Variants in PAWR observed in about 807,000 individuals in gnomAD.
The protein encoded by PAWR is pro-apoptotic WT1 regulator.
Under a neutral mutation model 32.0 loss-of-function variants are expected in PAWR, and 23 were observed. The observed-to-expected ratio is 0.72, with a 90% CI of 0.52 to 1.02. The LOEUF is 1.02. Among genes scored for constraint, PAWR ranks in the 50% least tolerant of loss-of-function variants. PAWR has a pLI of 0.00. For synonymous variants in PAWR, 226 were observed against 187.1 expected (o/e 1.21, Z -1.70); for missense variants, 457 against 437.7 (o/e 1.04, Z -0.39).
At chr12:79,641,230 T>TA (rs1876307951) in intron 2 of PAWR, among the ~76,000 whole-genome samples, 1 of 152,184 alleles carries the variant, frequency 6.6e-6, no homozygotes, top group Non-Finnish European at 1.5e-5. Flanking sequence ...CAGCTAACAA[T>TA]TACATAGCAC....
At chr12:79,674,209 G>A (rs118025256) in intron 2 of PAWR, among the ~76,000 whole-genome samples, 2,190 of 152,020 alleles carry the variant, frequency 0.014, 38 homozygotes, top group Non-Finnish European at 0.023. Context: ...ACAGACACAT[G>A]GACCAATGGA....
intron 3 of PAWR, among the ~76,000 whole-genome samples, chr12:79,618,796 G>A (rs1035304777): frequency 1.3e-5 from 2 of 151,768 alleles, no homozygotes; most frequent in Non-Finnish European, 2.9e-5. Flanking sequence ...AAATATAAAC[G>A]TCACCTTAGA....
chr12:79,690,600 A>G (rs1878968630), intron 1 of PAWR: 1 of 189,472 alleles, frequency 5.3e-6, no homozygotes, highest in African/African-American at 2.3e-5. Flanking sequence ...AAGGGAGGAG[A>G]GAGGACTGAC....
intron 2 of PAWR, among the ~76,000 whole-genome samples, chr12:79,630,546 A>C (rs1875567928): frequency 6.6e-6 from 1 of 152,104 alleles, no homozygotes; most frequent in East Asian, 1.9e-4. Context: ...CAAGCAATCT[A>C]TCTGCCTTGG....
chr12:79,600,934 G>A (rs1342299477), intron 4 of PAWR, among the ~76,000 whole-genome samples: 1 of 152,132 alleles, frequency 6.6e-6, no homozygotes, highest in East Asian at 1.9e-4. Context: ...GCACTTGGAT[G>A]TGATGATGAC....
intron 4 of PAWR, chr12:79,596,859 T>C (rs1592489603): frequency 1.2e-5 from 6 of 496,254 alleles, no homozygotes; most frequent in South Asian, 1.1e-4. Context: ...TTTCGACCAA[T>C]ATCTACTGAA....
intron 2 of PAWR, among the ~76,000 whole-genome samples, chr12:79,645,068 A>ACACACAC (rs1555175769): frequency 4.0e-5 from 6 of 151,220 alleles, no homozygotes; most frequent in African/African-American, 7.3e-5. Flanking sequence ...ACACACACAC[A>ACACACAC]AAAATCAATG....
At chr12:79,611,202 A>T (rs890948580) in intron 4 of PAWR, among the ~76,000 whole-genome samples, 34 of 146,270 alleles carry the variant, frequency 2.3e-4, no homozygotes, top group African/African-American at 8.4e-4. Context: ...ATAGATATTT[A>T]TATATAAAAC....
At chr12:79,675,550 A>G (rs1188032321) in intron 2 of PAWR, among the ~76,000 whole-genome samples, 1 of 152,216 alleles carries the variant, frequency 6.6e-6, no homozygotes, top group African/African-American at 2.4e-5. Flanking sequence ...AATCCTACAC[A>G]GCCATAAAAA....
chr12:79,637,271 T>C (rs1396020081), intron 2 of PAWR, among the ~76,000 whole-genome samples: 2 of 152,132 alleles, frequency 1.3e-5, no homozygotes, highest in Non-Finnish European at 2.9e-5. Context: ...AATGAGTTAC[T>C]ATAACCATGA....
Position 79,690,209 on chromosome 12 carries a change from G to C in PAWR, c.36C>G (p.Leu12=). 2 of 1,527,406 alleles carry C rather than the reference G, an allele frequency of 1.3e-6. No individual in the cohort carries two copies. Among genetic ancestry groups the C allele is most frequent in the South Asian group, 1.2e-5 (1 of 84,142 alleles). The allele number at this position is 1,527,406 out of a possible 1,614,324, so 94.6% of individuals were successfully genotyped here. A position where few individuals can be genotyped will look rare whatever the true frequency, so the allele number is the denominator to read the frequency against. ...ATGGYRTSSG[L]GGSTTDFLEE... ...CCAGGAAGTCTGTGGTGCTGCCGCC[G>C]AGGCCGCTGCTGGTCCGGTAGCCAC... Residue 12 remains leucine (L), a synonymous_variant, in exon 2 of 7, where the codon CTC becomes CTG. Coordinates refer to ENST00000328827, the MANE Select transcript of PAWR (RefSeq NM_002583.4).
At chr12:79,661,801 T>C (rs989718619) in intron 2 of PAWR, among the ~76,000 whole-genome samples, 1 of 152,126 alleles carries the variant, frequency 6.6e-6, no homozygotes, top group African/African-American at 2.4e-5. Context: ...TATGATCAGC[T>C]GGGGCCATAC....
At chr12:79,689,465 T>C (rs1878856079) in intron 2 of PAWR, among the ~76,000 whole-genome samples, 1 of 152,160 alleles carries the variant, frequency 6.6e-6, no homozygotes, top group African/African-American at 2.4e-5. Flanking sequence ...AAGTTGTCTT[T>C]CTACCACGGT....
In PAWR at chr12:79,590,804, G is replaced by C. The variant is rs1037159919; in HGVS notation, c.*1803C>G. 1 of 152,182 alleles carries C rather than the reference G, an allele frequency of 6.6e-6. No homozygotes were observed. The highest frequency in any genetic ancestry group is 1.5e-5 in the Non-Finnish European group (1 of 68,042). 9.4% of individuals were successfully genotyped at this position (152,182 alleles called of 1,614,324 possible). A position where few individuals can be genotyped will look rare whatever the true frequency, so the allele number is the denominator to read the frequency against. On this transcript the variant is annotated 3_prime_UTR_variant, in exon 7 of 7. Coordinates refer to ENST00000328827, the MANE Select transcript of PAWR (RefSeq NM_002583.4). ...ATCACTGTTCCCATGCTGGGTAAGA[G>C]TCTCCAAGAAGGGAAGCCCTTATGC... is the stretch of plus-strand genomic sequence containing the variant.
chr12:79,638,423 T>A (rs1420619787), intron 2 of PAWR, among the ~76,000 whole-genome samples: 1 of 152,166 alleles, frequency 6.6e-6, no homozygotes, highest in Non-Finnish European at 1.5e-5. Context: ...TTTTTCTAGT[T>A]TACCTTTTAA....
chr12:79,668,642 A>G (rs1244208228), intron 2 of PAWR, among the ~76,000 whole-genome samples: 1 of 152,192 alleles, frequency 6.6e-6, no homozygotes, highest in African/African-American at 2.4e-5. Flanking sequence ...AGTTCAAAAG[A>G]GGGTTCGTGT....
intron 2 of PAWR, among the ~76,000 whole-genome samples, chr12:79,657,344 C>T (rs918298313): frequency 6.6e-6 from 1 of 151,746 alleles, no homozygotes; most frequent in African/African-American, 2.4e-5. Flanking sequence ...GTGGTGGTTT[C>T]ATGTGCCAAA....
At position 79,595,062 on chromosome 12, in the gene PAWR, AC is replaced by A. The variant is rs1220914960; in HGVS notation, c.832-630del. On this transcript the variant is annotated intron_variant, in intron 5 of 6. Coordinates refer to ENST00000328827, the MANE Select transcript of PAWR (RefSeq NM_002583.4). ...TTATCACCACTATAAGTTATGAACT[AC>A]CTTATTTTTTAATGGGTATCTTGTT... 3.3e-5 allele frequency among the ~76,000 whole-genome samples: 5 copies of A among 152,070 alleles called. No homozygotes were observed. The East Asian group carries it at 9.6e-4, about 29-fold the overall frequency.
chr12:79,670,284 A>G (rs944715131), intron 2 of PAWR, among the ~76,000 whole-genome samples: 5 of 152,224 alleles, frequency 3.3e-5, no homozygotes, highest in African/African-American at 1.2e-4. Flanking sequence ...ACTAAATTAT[A>G]GAAAAGGCTG....
Sources: allele counts gnomAD v4.1 joint callset (sites outside exome capture counted in the v4.1 genomes callset), GRCh38; gene constraint gnomAD v4.1.1; transcripts MANE v1.5; gene names NCBI Gene and HGNC (gene_info 2026-07-23, HGNC 2026-07-21).